Variants in TNS3 observed in about 807,000 individuals in gnomAD.
TNS3 encodes tensin 3.
A neutral mutation model predicts 140.9 loss-of-function variants in TNS3; 45 were observed. The ratio of observed to expected loss-of-function variants is 0.32; its 90% confidence interval spans 0.25 to 0.41. The LOEUF (loss-of-function observed/expected upper bound fraction) is 0.41, where lower values mean the gene tolerates loss of function less well. Among genes scored for constraint, TNS3 ranks in the 10% least tolerant of loss-of-function variants. The probability of loss-of-function intolerance (pLI) is 1.00; values close to 1 mark genes in which losing one functional copy is unlikely to be tolerated. For missense variants in TNS3, 1,716 were observed against 1,906.7 expected (o/e 0.90, Z 1.86); for synonymous variants, 815 against 788.4 (o/e 1.03, Z -0.56).
intron 28 of TNS3, among the ~76,000 whole-genome samples, chr7:47,280,788 C>T (rs1230414683): frequency 1.3e-5 from 2 of 152,158 alleles, no homozygotes; most frequent in Non-Finnish European, 2.9e-5. Flanking sequence ...TGACATGTGC[C>T]TGTAATTCCA....
intron 1 of TNS3, among the ~76,000 whole-genome samples, chr7:47,537,212 C>A (rs1799633245): frequency 6.6e-6 from 1 of 152,038 alleles, no homozygotes; most frequent in African/African-American, 2.4e-5. Flanking sequence ...GAGTCCCCTG[C>A]GGACACAAGT....
At chr7:47,550,711 C>CA (rs1800037907) in intron 1 of TNS3, among the ~76,000 whole-genome samples, 1 of 152,060 alleles carries the variant, frequency 6.6e-6, no homozygotes, top group Non-Finnish European at 1.5e-5. Context: ...TTATGCACAA[C>CA]AAAAAAGGCT....
intron 1 of TNS3, among the ~76,000 whole-genome samples, chr7:47,581,219 C>T (rs1784523381): frequency 6.6e-6 from 1 of 152,096 alleles, no homozygotes; most frequent in South Asian, 2.1e-4. Flanking sequence ...ACAGAGACCC[C>T]TGGGCCGTCC....
At chr7:47,554,799 G>A (rs1399885805) in intron 1 of TNS3, among the ~76,000 whole-genome samples, 1 of 152,218 alleles carries the variant, frequency 6.6e-6, no homozygotes, top group Non-Finnish European at 1.5e-5. Flanking sequence ...GGGAGGCTGA[G>A]GCAGGTGGAT....
chr7:47,487,020 C>T (rs1161843699), intron 3 of TNS3, among the ~76,000 whole-genome samples: 1 of 152,152 alleles, frequency 6.6e-6, no homozygotes, highest in Non-Finnish European at 1.5e-5. Flanking sequence ...GAAGAGAGGC[C>T]GGGCGCAGTA....
chr7:47,298,992 C>T (rs1214531950), intron 23 of TNS3, among the ~76,000 whole-genome samples: 1 of 152,204 alleles, frequency 6.6e-6, no homozygotes, highest in Non-Finnish European at 1.5e-5. Context: ...CCTGCAGCCG[C>T]CCATGCAAGG....
At chr7:47,279,510 C>G (rs1043404265) in intron 30 of TNS3, 1 of 153,300 alleles carries the variant, frequency 6.5e-6, no homozygotes, top group African/African-American at 2.4e-5. Context: ...CGAGACCAGC[C>G]TGACCAACAT....
At chr7:47,435,603 T>A (rs992678657) in intron 7 of TNS3, among the ~76,000 whole-genome samples, 199 bp from the exon 8 acceptor site, 2 of 152,238 alleles carry the variant, frequency 1.3e-5, no homozygotes, top group African/African-American at 2.4e-5. Context: ...ACTGCCCATG[T>A]GATGCCTCTT....
intron 3 of TNS3, among the ~76,000 whole-genome samples, chr7:47,503,949 C>G (rs1198901488): frequency 6.6e-6 from 1 of 152,092 alleles, no homozygotes; most frequent in Non-Finnish European, 1.5e-5. Flanking sequence ...GACACTCCAC[C>G]CTCGCGACCT....
chr7:47,435,896 G>C (rs1450881988), intron 7 of TNS3, among the ~76,000 whole-genome samples: 2 of 152,182 alleles, frequency 1.3e-5, no homozygotes, highest in Admixed American at 1.3e-4. Flanking sequence ...AATTAAGTTT[G>C]GTGCTTGGAC....
Position 47,486,125 on chromosome 7 carries a change from T to C in TNS3, c.-114-4984A>G, listed in dbSNP as rs116175792. On this transcript the variant is annotated intron_variant, in intron 3 of 30. Transcript: ENST00000311160. ...CTGTGTTTGACTAGGTATATTTTACTGTGGATATCTGCAAATATATTCTTT... is the reference window on the plus strand; with the variant it reads ...CTGTGTTTGACTAGGTATATTTTACCGTGGATATCTGCAAATATATTCTTT... Among the ~76,000 whole-genome samples, 1,124 of 152,134 alleles carry C rather than the reference T, an allele frequency of 7.4e-3. 12 individuals carry two copies. The highest frequency in any genetic ancestry group is 0.026 in the African/African-American group (1,059 of 41,488).
At chr7:47,457,142 A>C (rs1435127930) in intron 4 of TNS3, among the ~76,000 whole-genome samples, 2 of 5,070 alleles carry the variant, frequency 3.9e-4, no homozygotes, top group Admixed American at 2.8e-3. Flanking sequence ...GGAGGAGGGG[A>C]GGGGAGGGGA....
At chr7:47,516,207 G>T (rs926811743) in intron 2 of TNS3, among the ~76,000 whole-genome samples, 1 of 152,226 alleles carries the variant, frequency 6.6e-6, no homozygotes. Context: ...AGTCTATTGA[G>T]AAAGAGAAAA....
In TNS3 at chr7:47,369,106, T is replaced by C. The variant is rs1562647956; in HGVS notation, c.1540A>G (p.Lys514Glu). Residue 514 changes from lysine (K) to glutamate (E), a missense_variant, in exon 17 of 31, where the codon AAG becomes GAG. Coordinates refer to ENST00000311160, the MANE Select transcript of TNS3 (RefSeq NM_022748.12). ...SAHLGPFTCH[K>E]SSQNSLLSDG... ...GATAGGAGTGAGTTCTGGCTGCTCT[T>C]GTGGCAGGTGAAGGGACCCAGGTGG... is the stretch of plus-strand genomic sequence containing the variant. 5.6e-6 allele frequency: 9 copies of C among 1,613,964 alleles called. No individual in the cohort carries two copies. The highest frequency in any genetic ancestry group is 1.3e-5 in the African/African-American group (1 of 75,066).
At chr7:47,529,471 C>T (rs1236338783) in intron 1 of TNS3, among the ~76,000 whole-genome samples, 2 of 152,202 alleles carry the variant, frequency 1.3e-5, no homozygotes, top group Admixed American at 6.5e-5. Flanking sequence ...AGACTTCAGC[C>T]GTAGAGCCAC....
chr7:47,401,918 C>T (rs1793189206), intron 13 of TNS3, among the ~76,000 whole-genome samples: 1 of 152,238 alleles, frequency 6.6e-6, no homozygotes, highest in African/African-American at 2.4e-5. Context: ...AGGCAGGTAC[C>T]TCCCCAACCC....
At position 47,569,827 on chromosome 7, in the gene TNS3, C is replaced by T. The variant is rs112116681; in HGVS notation, c.-265+12224G>A. ...CGAGATGGTGCCACTGCACTCCAGC[C>T]TGGGTGACAGAACAAGACTCTGTCT... On this transcript the variant is annotated intron_variant, in intron 1 of 30. Transcript: ENST00000311160. 3.5e-3 allele frequency among the ~76,000 whole-genome samples: 531 copies of T among 151,048 alleles called. 6 individuals carry two copies. The highest frequency in any genetic ancestry group is 0.011 in the African/African-American group (470 of 41,050).
At chr7:47,414,734 T>C (rs1251292975) in intron 11 of TNS3, among the ~76,000 whole-genome samples, 2 of 152,210 alleles carry the variant, frequency 1.3e-5, no homozygotes, top group Non-Finnish European at 1.5e-5. Flanking sequence ...GTCACATTCA[T>C]GCCTCTTACT....
At chr7:47,412,436 T>C (rs937269764) in intron 12 of TNS3, among the ~76,000 whole-genome samples, 2 of 152,114 alleles carry the variant, frequency 1.3e-5, no homozygotes, top group African/African-American at 4.8e-5. Flanking sequence ...CTGGCTAACA[T>C]AGTGAAACCC....
Sources: gnomAD v4.1 joint callset for allele counts (sites outside exome capture counted in the v4.1 genomes callset) on GRCh38, gnomAD v4.1.1 for gene constraint, MANE v1.5 for transcripts, NCBI Gene and HGNC (gene_info 2026-07-23, HGNC 2026-07-21) for gene names.